EMILIN2: variants seen among roughly 807,000 people sequenced by gnomAD.
The protein encoded by EMILIN2 is elastin microfibril interfacer 2.
EMILIN2 carries 71 observed loss-of-function variants against 87.1 expected under a neutral mutation model. The ratio of observed to expected loss-of-function variants is 0.82; its 90% CI spans 0.67 to 0.99. The LOEUF is 0.99. Ranked by LOEUF, EMILIN2 falls within the 50% of genes least tolerant of loss-of-function variation. The probability of loss-of-function intolerance (pLI) is 0.00; values close to 1 mark genes in which losing one functional copy is unlikely to be tolerated. For synonymous variants in EMILIN2, 581 were observed against 563.4 expected (o/e 1.03, Z -0.44); for missense variants, 1,407 against 1,371.8 (o/e 1.03, Z -0.40).
chr18:2,889,692 C>CTT (rs34248672), intron 3 of EMILIN2, among the ~76,000 whole-genome samples: 2,151 of 96,562 alleles, frequency 0.022, 46 homozygotes, highest in Non-Finnish European at 0.024. Context: ...TTTTTCTTTT[C>CTT]TTTTTTTTTT....
intron 4 of EMILIN2, among the ~76,000 whole-genome samples, chr18:2,904,147 G>T (rs990345387): frequency 5.3e-5 from 8 of 152,188 alleles, no homozygotes; most frequent in Admixed American, 6.5e-5. Context: ...TGATGACATT[G>T]TTCCCTTCTC....
intron 2 of EMILIN2, among the ~76,000 whole-genome samples, chr18:2,856,803 C>T (rs1194441600): frequency 6.6e-6 from 1 of 152,192 alleles, no homozygotes; most frequent in Non-Finnish European, 1.5e-5. Context: ...TAACATGGTA[C>T]AGCTGAGCAT....
chr18:2,906,872 G>A lies in EMILIN2; in HGVS notation c.2449G>A (p.Ala817Thr). 4 of 1,383,910 alleles carry A rather than the reference G, an allele frequency of 2.9e-6. No individual in the cohort carries two copies. The highest frequency in any genetic ancestry group is 2.8e-5 in the Admixed American group (1 of 35,088). The allele number at this position is 1,383,910 out of a possible 1,614,324, so 85.7% of individuals were successfully genotyped here. A position where few individuals can be genotyped will look rare whatever the true frequency, so the allele number is the denominator to read the frequency against. Residue 817 changes from alanine to threonine, a missense_variant, in exon 5 of 8, where the codon GCA (alanine) becomes ACA (threonine). By Grantham distance (58) the Ala-to-Thr change is moderately conservative. Transcript: ENST00000254528. The stretch of plus-strand genomic sequence containing the variant: ...GCCGAGGCCCAGCGGCCCCGCAACC[G>A]CAGAGGACCCTGGGCGACGGCCCGT... Reference protein sequence around the residue: ...APPRPSGPATAEDPGRRPVLP... With the variant: ...APPRPSGPATTEDPGRRPVLP...
intron 3 of EMILIN2, among the ~76,000 whole-genome samples, chr18:2,887,309 G>A (rs570592199): frequency 4.6e-5 from 7 of 152,012 alleles, no homozygotes; most frequent in Non-Finnish European, 2.9e-5. Flanking sequence ...TGGGATTTTA[G>A]GAAGGAGTAA....
At chr18:2,866,627 T>C (rs2076687919) in intron 2 of EMILIN2, among the ~76,000 whole-genome samples, 1 of 152,360 alleles carries the variant, frequency 6.6e-6, no homozygotes, top group East Asian at 1.9e-4. Context: ...ACGTATATAA[T>C]CATATCATCA....
At chr18:2,896,124 CAT>C (rs145208259) in intron 4 of EMILIN2, among the ~76,000 whole-genome samples, 9 of 150,496 alleles carry the variant, frequency 6.0e-5, no homozygotes, top group Admixed American at 6.6e-5. Flanking sequence ...CTGTTAAGGG[CAT>C]ATATATATAT....
intron 2 of EMILIN2, among the ~76,000 whole-genome samples, chr18:2,858,577 G>GTATATATATATATATATATATA (rs1389867922): frequency 1.5e-5 from 1 of 64,922 alleles, no homozygotes; most frequent in Non-Finnish European, 2.6e-5. Context: ...ATATGTGTGT[G>GTATATATATATATATATATATA]TGTGTGTATA....
chr18:2,881,960 T>TA (rs1278736117), intron 2 of EMILIN2, among the ~76,000 whole-genome samples: 1 of 152,208 alleles, frequency 6.6e-6, no homozygotes, highest in Non-Finnish European at 1.5e-5. Context: ...CCTACCTTCT[T>TA]ACCCAGCCCT....
At chr18:2,858,059 G>A (rs896898692) in intron 2 of EMILIN2, among the ~76,000 whole-genome samples, 2 of 151,630 alleles carry the variant, frequency 1.3e-5, no homozygotes, top group Admixed American at 6.6e-5. Flanking sequence ...TCTCGTGTCT[G>A]GAACCAAAGA....
Position 2,906,904 on chromosome 18 carries a change from C to T in EMILIN2, c.2481C>T (p.Pro827=), listed in dbSNP as rs573985058. ...AEDPGRRPVL[P]QRPPEERPPQ... is the part of the protein sequence containing the mutation. ...ACCCTGGGCGACGGCCCGTCCTGCC[C>T]CAGCGGCCCCCCGAGGAGAGGCCGC... is the stretch of plus-strand genomic sequence containing the variant. The change falls in exon 5 of 8, where the codon CCC becomes CCT. Residue 827 remains proline, a synonymous_variant. Transcript: ENST00000254528. 6.1e-3 allele frequency: 8,552 copies of T among 1,394,230 alleles called. 75 individuals carry two copies. Among genetic ancestry groups the T allele is most frequent in the Non-Finnish European group, 6.0e-3 (6,404 of 1,071,700 alleles). The allele number at this position is 1,394,230 out of a possible 1,614,324, so 86.4% of individuals were successfully genotyped here.
intron 6 of EMILIN2, among the ~76,000 whole-genome samples, chr18:2,909,310 G>C (rs188641376): frequency 5.4e-4 from 83 of 152,340 alleles, no homozygotes; most frequent in African/African-American, 1.9e-3. Context: ...AGGTTTTACT[G>C]ATTTATTAGT....
At chr18:2,879,274 G>C (rs2144013996) in intron 2 of EMILIN2, among the ~76,000 whole-genome samples, 1 of 152,300 alleles carries the variant, frequency 6.6e-6, no homozygotes, top group Middle Eastern at 3.4e-3. Context: ...GCCCAACACT[G>C]CAAGTGCGGC....
rs1020917339 is a variant in EMILIN2 at position 2,880,758 on chromosome 18, G to A, written c.258-4206G>A. ...CGGGGCCCCTGGGGATGCTTGGGCC[G>A]CCTGTCTCTGTTTCATGTCCCCTGC... On this transcript the variant is annotated intron_variant, in intron 2 of 7. Transcript: ENST00000254528. The surrounding 1 kb of genome is among the most constrained non-coding windows in gnomAD (Gnocchi z 4.1). 2.6e-5 allele frequency among the ~76,000 whole-genome samples: 4 copies of A among 152,268 alleles called. No homozygotes were observed. Among genetic ancestry groups the A allele is most frequent in the East Asian group, 1.9e-4 (1 of 5,180 alleles).
intron 2 of EMILIN2, among the ~76,000 whole-genome samples, chr18:2,858,583 G>GTATATA (rs1555665466): frequency 0.021 from 1,297 of 62,878 alleles, 97 homozygotes; most frequent in Admixed American, 0.051. Flanking sequence ...GTGTGTGTGT[G>GTATATA]TATATATATA....
intron 2 of EMILIN2, among the ~76,000 whole-genome samples, chr18:2,860,645 C>T (rs1451831206): frequency 6.6e-6 from 1 of 152,166 alleles, no homozygotes; most frequent in African/African-American, 2.4e-5. Context: ...CATTGTTGGA[C>T]ATTTGGCTTG....
In EMILIN2 at chr18:2,913,246, T is replaced by G; in HGVS notation, c.3004T>G (p.Cys1002Gly). ...YHRPPGALHT[C>G]GGPGAFHLIV... ...CCGCCCTCCAGGAGCTTTGCATACCTGCGGGGGCCCGGGGGCATTCCACCT... is the reference window on the plus strand; with the variant it reads ...CCGCCCTCCAGGAGCTTTGCATACCGGCGGGGGCCCGGGGGCATTCCACCT... Residue 1002 changes from cysteine to glycine, a missense_variant, in exon 8 of 8, where the codon TGC (cysteine) becomes GGC (glycine). Physicochemically the swap from Cys to Gly is radical, Grantham distance 159. Transcript: ENST00000254528. 6.2e-7 allele frequency: 1 copy of G among 1,614,018 alleles called. No homozygotes were observed. Among genetic ancestry groups the G allele is most frequent in the Non-Finnish European group, 8.5e-7 (1 of 1,179,954 alleles).
Position 2,906,943 on chromosome 18 carries a change from C to T in EMILIN2, c.2520C>T (p.Gly840=). The T allele has an allele frequency of 2.1e-6, 3 of 1,400,760 alleles. No homozygotes were observed. Among genetic ancestry groups the T allele is most frequent in the Non-Finnish European group, 2.8e-6 (3 of 1,075,254 alleles). 86.8% of individuals were successfully genotyped at this position (1,400,760 alleles called of 1,614,324 possible). A position where few individuals can be genotyped will look rare whatever the true frequency, so the allele number is the denominator to read the frequency against. Residue 840 remains glycine (G), a synonymous_variant, in exon 5 of 8, where the codon GGC becomes GGT. Transcript: ENST00000254528. Reference sequence around the variant, plus strand: ...AGGAGAGGCCGCCCCAGCCGCCAGGCTCCACCGGGGTCATCGCGGAGACGG... The same window carrying T: ...AGGAGAGGCCGCCCCAGCCGCCAGGTTCCACCGGGGTCATCGCGGAGACGG... ...PPEERPPQPP[G]STGVIAETGQ... is the part of the protein sequence containing the mutation.
At chr18:2,869,086 A>AT (rs2076706225) in intron 2 of EMILIN2, among the ~76,000 whole-genome samples, 1 of 152,142 alleles carries the variant, frequency 6.6e-6, no homozygotes, top group African/African-American at 2.4e-5. Flanking sequence ...CTGAAGAGTA[A>AT]TCTGATACAT....
rs140110371 is a variant in EMILIN2 at position 2,874,652 on chromosome 18, T to C, written c.258-10312T>C. Among the ~76,000 whole-genome samples, 726 of 152,316 alleles carry C rather than the reference T, an allele frequency of 4.8e-3. 2 individuals carry two copies. The highest frequency in any genetic ancestry group is 0.024 in the Middle Eastern group (7 of 294). ...GTGAATTTCAAAAACATAGTAATACTGTGTTAGCCTGGACTATGGAAGAAA... is the reference window on the plus strand; with the variant it reads ...GTGAATTTCAAAAACATAGTAATACCGTGTTAGCCTGGACTATGGAAGAAA... On this transcript the variant is annotated intron_variant, in intron 2 of 7. Coordinates refer to ENST00000254528, the MANE Select transcript of EMILIN2 (RefSeq NM_032048.3).
Sources: gnomAD v4.1 joint callset for allele counts (sites outside exome capture counted in the v4.1 genomes callset) on GRCh38, gnomAD v4.1.1 for gene constraint, Gnocchi (gnomAD v3.1) non-coding constraint, MANE v1.5 for transcripts, NCBI Gene and HGNC (gene_info 2026-07-23, HGNC 2026-07-21) for gene names.